KRT6B: variants seen among roughly 807,000 people sequenced by gnomAD.
KRT6B encodes keratin, type II cytoskeletal 6B.
Under a neutral mutation model 44.7 loss-of-function variants are expected in KRT6B, and 29 were observed. The observed-to-expected ratio is 0.65, with a 90% CI of 0.48 to 0.88. KRT6B has a LOEUF of 0.88. Among genes scored for constraint, KRT6B ranks in the 40% least tolerant of loss-of-function variants. The pLI, the probability that KRT6B is intolerant of heterozygous loss-of-function variation, is 0.00. For synonymous variants in KRT6B, 213 were observed against 296.0 expected (o/e 0.72, Z 2.88); for missense variants, 600 against 724.0 (o/e 0.83, Z 1.97).
chr12:52,446,859 C>G lies in KRT6B; in HGVS notation c.*331G>C, dbSNP rs1021302780. 2 of 394,850 alleles carry G rather than the reference C, an allele frequency of 5.1e-6. No individual in the cohort carries two copies. Among genetic ancestry groups the G allele is most frequent in the Non-Finnish European group, 4.7e-6 (1 of 214,936 alleles). The allele number at this position is 394,850 out of a possible 1,614,324, so 24.5% of individuals were successfully genotyped here. On this transcript the variant is annotated 3_prime_UTR_variant, in exon 9 of 9. Coordinates refer to ENST00000252252, the MANE Select transcript of KRT6B (RefSeq NM_005555.4). ...TGGTTAGCAATTAAAGAGAGGACTC[C>G]TCATCTGCAGCTGGACCTAGACTGA... is the stretch of plus-strand genomic sequence containing the variant.
In KRT6B at chr12:52,450,018, C is replaced by T. The variant is rs552622526; in HGVS notation, c.810G>A (p.Leu270=). Residue 270 remains leucine, a synonymous_variant, in exon 3 of 9, where the codon CTG becomes CTA. Coordinates refer to ENST00000252252, the MANE Select transcript of KRT6B (RefSeq NM_005555.4). ...RTAAENEFVT[L]KKDVDAAYMN... is the part of the protein sequence containing the mutation. ...CCTGGCTTCATCTGCTCACCTTCTTCAGAGTCACAAATTCATTCTCTGCTG... is the reference window on the plus strand; with the variant it reads ...CCTGGCTTCATCTGCTCACCTTCTTTAGAGTCACAAATTCATTCTCTGCTG... 44 of 1,614,034 alleles carry T rather than the reference C, an allele frequency of 2.7e-5. No individual in the cohort carries two copies. The South Asian group carries it at 4.3e-4, about 16-fold the overall frequency.
rs369456598 is a variant in KRT6B, at chr12:52,449,449, G to T, written c.1077+20C>A. On this transcript the variant is annotated intron_variant, in intron 5 of 8. Transcript: ENST00000252252. Reference sequence around the variant, plus strand: ...GGATGGACACAAGGATTCCTCAGCGGCTGTCCACTCCGTGCTCACCTTTGT... The same window carrying T: ...GGATGGACACAAGGATTCCTCAGCGTCTGTCCACTCCGTGCTCACCTTTGT... 1.1e-5 allele frequency: 18 copies of T among 1,614,170 alleles called. No individual in the cohort carries two copies. Among genetic ancestry groups the T allele is most frequent in the Middle Eastern group, 1.6e-4 (1 of 6,062 alleles).
chr12:52,451,476 A>G, intron 1 of KRT6B, 63 bp downstream of exon 1: 1 of 1,613,132 alleles, frequency 6.2e-7, no homozygotes, highest in East Asian at 2.2e-5. Flanking sequence ...TCCGGCAGGA[A>G]GGTGTTGCTC....
chr12:52,448,093 A>T lies in KRT6B; in HGVS notation c.1204-95T>A. The T allele has an allele frequency of 2.0e-6, 3 of 1,497,444 alleles. 1 individual carries two copies. The South Asian group carries it at 3.4e-5, about 17-fold the overall frequency. 92.8% of individuals were successfully genotyped at this position (1,497,444 alleles called of 1,614,324 possible). On this transcript the variant is annotated intron_variant, in intron 6 of 8. Coordinates refer to ENST00000252252, the MANE Select transcript of KRT6B (RefSeq NM_005555.4). ...TTTTCCAGTGAAGAAGGCACCAGGA[A>T]CCCAGAACTGATGGTAAATGAGCTC...
chr12:52,448,734 C>G, intron 6 of KRT6B, 108 bp downstream of exon 6: 4 of 1,578,260 alleles, frequency 2.5e-6, no homozygotes, highest in Non-Finnish European at 3.5e-6. Flanking sequence ...CTTTCCTTCT[C>G]TGCTTATCAA....
rs1940316239 is a variant in KRT6B at position 52,446,742 on chromosome 12, A to C, written c.*448T>G. ...AGGAATGCAGACTGCATCAGAAGGT[A>C]CATCACTTGCCATTCAGGGACACTG... On this transcript the variant is annotated 3_prime_UTR_variant, in exon 9 of 9. Coordinates refer to ENST00000252252, the MANE Select transcript of KRT6B (RefSeq NM_005555.4). The C allele has an allele frequency of 4.5e-6, 1 of 221,476 alleles. No homozygotes were observed. 13.7% of individuals were successfully genotyped at this position (221,476 alleles called of 1,614,324 possible). A position where few individuals can be genotyped will look rare whatever the true frequency, so the allele number is the denominator to read the frequency against.
Position 52,448,056 on chromosome 12 carries a change from C to T in KRT6B, c.1204-58G>A, listed in dbSNP as rs151113374. The stretch of plus-strand genomic sequence containing the variant: ...ATCTGGTCTTCCAGAGAAGAATAAA[C>T]CTGGCTGGTTCTTTTCCAGTGAAGA... On this transcript the variant is annotated intron_variant, in intron 6 of 8. Coordinates refer to ENST00000252252, the MANE Select transcript of KRT6B (RefSeq NM_005555.4). 1.8e-4 allele frequency: 296 copies of T among 1,610,568 alleles called. 1 individual carries two copies. The African/African-American group carries it at 3.6e-3, about 20-fold the overall frequency.
Position 52,447,521 on chromosome 12 carries a change from G to A in KRT6B, c.1459+18C>T. The A allele has an allele frequency of 3.1e-6, 5 of 1,614,048 alleles. No homozygotes were observed. The highest frequency in any genetic ancestry group is 4.2e-6 in the Non-Finnish European group (5 of 1,179,914). On this transcript the variant is annotated intron_variant, in intron 8 of 8. Transcript: ENST00000252252. Reference sequence around the variant, plus strand: ...GAGAGTGCAAGGGCAGGGGAGGAAGGCAAACAAAGGTACTTACAGATGTTG... The same window carrying A: ...GAGAGTGCAAGGGCAGGGGAGGAAGACAAACAAAGGTACTTACAGATGTTG...
In KRT6B at chr12:52,450,681, T is replaced by A. The variant is rs115433398; in HGVS notation, c.541-61A>T. Reference sequence around the variant, plus strand: ...AGGAAGGCAGAGAAAGTGTCTGGTATCCAGTTTCCTGGAGGTCTGGGAGGT... The same window carrying A: ...AGGAAGGCAGAGAAAGTGTCTGGTAACCAGTTTCCTGGAGGTCTGGGAGGT... On this transcript the variant is annotated intron_variant, in intron 1 of 8. Transcript: ENST00000252252. 1,840 of 1,612,992 alleles carry A rather than the reference T, an allele frequency of 1.1e-3. 21 individuals are homozygous for A. In the African/African-American group the frequency reaches 0.022, roughly 20 times the overall value.
Position 52,450,829 on chromosome 12 carries a change from G to C in KRT6B, c.541-209C>G, listed in dbSNP as rs1592170769. Among the ~76,000 whole-genome samples the C allele has an allele frequency of 2.0e-5, 3 of 152,354 alleles. No homozygotes were observed. The South Asian group carries it at 6.2e-4, about 32-fold the overall frequency. On this transcript the variant is annotated intron_variant, in intron 1 of 8. Coordinates refer to ENST00000252252, the MANE Select transcript of KRT6B (RefSeq NM_005555.4). Reference sequence around the variant, plus strand: ...AGAAATTGTCCCACGGACCACTGAGGTGTTCTCGCACTGTAAGCTATTGAT... The same window carrying C: ...AGAAATTGTCCCACGGACCACTGAGCTGTTCTCGCACTGTAAGCTATTGAT...
At position 52,446,819 on chromosome 12, in the gene KRT6B, C is replaced by A; in HGVS notation, c.*371G>T. On this transcript the variant is annotated 3_prime_UTR_variant, in exon 9 of 9. Transcript: ENST00000252252. The stretch of plus-strand genomic sequence containing the variant: ...GTCAGATGAGAACTCCTGAGTGTAG[C>A]TATAATGGGCAGGATGGTTAGCAAT... The A allele has an allele frequency of 6.4e-6, 2 of 312,932 alleles. No individual in the cohort carries two copies. The highest frequency in any genetic ancestry group is 4.1e-5 in the South Asian group (1 of 24,188). The allele number at this position is 312,932 out of a possible 1,614,324, so 19.4% of individuals were successfully genotyped here.
intron 6 of KRT6B, among the ~76,000 whole-genome samples, chr12:52,448,436 G>A (rs754923133): frequency 2.6e-4 from 39 of 152,146 alleles, no homozygotes; most frequent in Non-Finnish European, 4.4e-4. Context: ...CTTGGGCCAC[G>A]TTTTCCTTCC....
chr12:52,449,164 C>T (rs549973116), intron 5 of KRT6B, among the ~76,000 whole-genome samples, 197 bp from the exon 6 acceptor site: 2 of 152,220 alleles, frequency 1.3e-5, no homozygotes, highest in South Asian at 2.1e-4. Context: ...GGCACCACTG[C>T]CTGCCTAGTT....
At position 52,448,967 on chromosome 12, in the gene KRT6B, A is replaced by G. The variant is rs1940355014; in HGVS notation, c.1078T>C (p.Tyr360His). ...CCTGCTGTGATCTGCAGCTCCTCGT[A>G]CTGCAGCCCAGAGGTGGAGAGAGAG... ...AEAESWYQTK[Y>H]EELQITAGRH... The change falls in exon 6 of 9, where the codon TAC (tyrosine) becomes CAC (histidine). Residue 360 changes from tyrosine (Y) to histidine (H), a missense_variant and splice_region_variant. By Grantham distance (83) the Tyr-to-His change is moderately conservative (BLOSUM62 2). Transcript: ENST00000252252. 6.2e-7 allele frequency: 1 copy of G among 1,612,664 alleles called. No homozygotes were observed.
chr12:52,448,106 G>A (rs930376564), intron 6 of KRT6B, 108 bp from the exon 7 acceptor site: 6 of 1,387,276 alleles, frequency 4.3e-6, no homozygotes, highest in Non-Finnish European at 5.1e-6. Flanking sequence ...CAGAACTGAT[G>A]GTAAATGAGC....
chr12:52,448,679 T>C (rs1200253241), intron 6 of KRT6B, among the ~76,000 whole-genome samples, 163 bp downstream of exon 6: 1 of 152,228 alleles, frequency 6.6e-6, no homozygotes, highest in Non-Finnish European at 1.5e-5. Context: ...GTGTGATCCA[T>C]GTCTCTGAGC....
Position 52,449,458 on chromosome 12 carries a change from T to G in KRT6B, c.1077+11A>C, listed in dbSNP as rs1289609196. On this transcript the variant is annotated intron_variant, in intron 5 of 8. Transcript: ENST00000252252. Reference sequence around the variant, plus strand: ...CAAGGATTCCTCAGCGGCTGTCCACTCCGTGCTCACCTTTGTCTGGTACCA... The same window carrying G: ...CAAGGATTCCTCAGCGGCTGTCCACGCCGTGCTCACCTTTGTCTGGTACCA... 18 of 1,614,106 alleles carry G rather than the reference T, an allele frequency of 1.1e-5. No individual in the cohort carries two copies. The highest frequency in any genetic ancestry group is 1.7e-5 in the Admixed American group (1 of 60,010).
At position 52,452,036 on chromosome 12, in the gene KRT6B, G is replaced by A. The variant is rs772519522; in HGVS notation, c.43C>T (p.Arg15Cys). 6 of 1,613,908 alleles carry A rather than the reference G, an allele frequency of 3.7e-6. No homozygotes were observed. The highest frequency in any genetic ancestry group is 3.3e-5 in the Admixed American group (2 of 60,002). The change falls in exon 1 of 9, where the codon CGC (arginine) becomes TGC (cysteine). Residue 15 changes from arginine to cysteine, a missense_variant. Transcript: ENST00000252252. ...GCTGAGTTGGCACTGAAACCCCGGC[G>A]GCTGCTGCTGTGGCTCCTGATGGTG... is the stretch of plus-strand genomic sequence containing the variant. The part of the protein sequence containing the change: ...STTIRSHSSS[R>C]RGFSANSARL...
intron 6 of KRT6B, 79 bp downstream of exon 6, chr12:52,448,763 T>C: frequency 6.2e-7 from 1 of 1,611,874 alleles, no homozygotes; most frequent in Non-Finnish European, 8.5e-7. Flanking sequence ...CAAAGAATTT[T>C]ACTAAATGAT....
Sources: gnomAD v4.1 joint callset for allele counts (sites outside exome capture counted in the v4.1 genomes callset) on GRCh38, gnomAD v4.1.1 for gene constraint, MANE v1.5 for transcripts, NCBI Gene and HGNC (gene_info 2026-07-23, HGNC 2026-07-21) for gene names.